Variants in GRIP2 observed in about 807,000 individuals in gnomAD.
GRIP2 encodes the protein glutamate receptor interacting protein 2, also known as glutamate receptor-interacting protein 2.
In GRIP2, 58 loss-of-function variants were observed where a neutral mutation model predicts 108.3. The ratio of observed to expected loss-of-function variants is 0.54; its 90% CI spans 0.43 to 0.67. The LOEUF is 0.67. GRIP2 is among the 30% of genes least tolerant of loss of function. The pLI is 0.00. For missense variants in GRIP2, 1,278 were observed against 1,430.6 expected (o/e 0.89, Z 1.72); for synonymous variants, 586 against 598.2 (o/e 0.98, Z 0.30).
the GRIP2 span, among the ~76,000 whole-genome samples, chr3:14,575,784 C>T: frequency 6.6e-6 from 1 of 152,232 alleles, no homozygotes; most frequent in Non-Finnish European, 1.5e-5. Context: ...TGCTGAGGCC[C>T]GCCCTGTCTC....
intron 1 of GRIP2, among the ~76,000 whole-genome samples, chr3:14,553,679 G>T (rs1471986908): frequency 6.6e-6 from 1 of 152,182 alleles, no homozygotes; most frequent in Non-Finnish European, 1.5e-5. Flanking sequence ...CAACAGGACA[G>T]CCCATTAAAA....
intron 1 of GRIP2, among the ~76,000 whole-genome samples, chr3:14,529,906 T>G (rs1694664559): frequency 6.6e-6 from 1 of 152,228 alleles, no homozygotes; most frequent in Non-Finnish European, 1.5e-5. Context: ...TTTCCATTCC[T>G]TCCCCTGGGT....
At chr3:14,523,751 G>A (rs1027557910) in intron 4 of GRIP2, 53 bp from the exon 5 acceptor site, 9 of 1,229,838 alleles carry the variant, frequency 7.3e-6, no homozygotes, top group African/African-American at 3.0e-5. Flanking sequence ...CTCCAGGCCG[G>A]TAGATGTGCC....
chr3:14,553,566 T>C (rs1478862996), intron 1 of GRIP2, among the ~76,000 whole-genome samples: 4 of 152,120 alleles, frequency 2.6e-5, no homozygotes, highest in Non-Finnish European at 5.9e-5. Flanking sequence ...GAGTCTCAGT[T>C]TGGAGGACAT....
the GRIP2 span, among the ~76,000 whole-genome samples, chr3:14,564,523 T>A: frequency 6.6e-6 from 1 of 152,200 alleles, no homozygotes; most frequent in Admixed American, 6.5e-5. Flanking sequence ...TGCTTAGCCA[T>A]CCCTAAAGTC....
At position 14,505,696 on chromosome 3, in the gene GRIP2, C is replaced by T. The variant is rs372323676; in HGVS notation, c.2492G>A (p.Arg831Gln). 9.6e-5 allele frequency: 153 copies of T among 1,598,774 alleles called. No individual in the cohort carries two copies. The highest frequency in any genetic ancestry group is 2.0e-4 in the East Asian group (9 of 44,104). The change falls in exon 20 of 24, where the codon CGG (arginine) becomes CAG (glutamine). Residue 831 changes from arginine (R) to glutamine (Q), a missense_variant. Physicochemically the swap from Arg to Gln is conservative, Grantham distance 43. Coordinates refer to ENST00000621039, the MANE Select transcript of GRIP2 (RefSeq NM_001080423.4). The surrounding 1 kb of genome is among the most constrained non-coding windows in gnomAD (Gnocchi z 4.2). ...LRGSPPPTEP[R>Q]RTSYTPTPAD... The stretch of plus-strand genomic sequence containing the variant: ...TGGGGTTGGGGTATAGCTCGTCCTC[C>T]GGGGCTCGGTGGGTGGGGGGCTGCC...
chr3:14,494,919 CCTTTTTCCAGGAGGCCAT>C lies in GRIP2; in HGVS notation c.2876_2893del (p.Asp959_Lys964del). ...AGGGCGCACAGTGTGGACATAGACA[CCTTTTTCCAGGAGGCCAT>C]CTGAGACGCTGAAACCAAAGTCATG... On this transcript the variant is annotated inframe_deletion, in exon 23 of 24. Coordinates refer to ENST00000621039, the MANE Select transcript of GRIP2 (RefSeq NM_001080423.4). 6.2e-7 allele frequency: 1 copy of C among 1,613,960 alleles called. No individual in the cohort carries two copies. Among genetic ancestry groups the C allele is most frequent in the Non-Finnish European group, 8.5e-7 (1 of 1,179,856 alleles).
At chr3:14,553,310 T>C (rs1398604806) in intron 1 of GRIP2, among the ~76,000 whole-genome samples, 1 of 151,380 alleles carries the variant, frequency 6.6e-6, no homozygotes, top group Non-Finnish European at 1.5e-5. Flanking sequence ...GGTTTCACTA[T>C]ATGTTGGCCA....
chr3:14,572,611 CAAA>C, the GRIP2 span, among the ~76,000 whole-genome samples: 11 of 46,958 alleles, frequency 2.3e-4, no homozygotes, highest in Admixed American at 2.6e-3. Flanking sequence ...GACTCCGTCT[CAAA>C]AAAAAAAAAA....
intron 1 of GRIP2, among the ~76,000 whole-genome samples, chr3:14,535,130 C>G (rs1694804809): frequency 6.6e-6 from 1 of 152,068 alleles, no homozygotes; most frequent in Non-Finnish European, 1.5e-5. Context: ...TCACCGGGAC[C>G]CTGGGTGCTG....
chr3:14,562,640 C>T, the GRIP2 span, among the ~76,000 whole-genome samples: 3 of 152,232 alleles, frequency 2.0e-5, no homozygotes, highest in Admixed American at 6.5e-5. Flanking sequence ...GAAGAAATGA[C>T]GGAATTGGAA....
the GRIP2 span, among the ~76,000 whole-genome samples, chr3:14,572,318 C>T: frequency 2.6e-5 from 4 of 151,714 alleles, no homozygotes; most frequent in South Asian, 8.3e-4. Flanking sequence ...AGGTGGTCGT[C>T]AAGACACAAG....
intron 23 of GRIP2, among the ~76,000 whole-genome samples, chr3:14,494,100 A>G (rs1693501967): frequency 6.6e-6 from 1 of 152,250 alleles, no homozygotes; most frequent in South Asian, 2.1e-4. Context: ...ATGAAAGAGC[A>G]GACCACACAC....
intron 3 of GRIP2, 72 bp from the exon 4 acceptor site, chr3:14,524,610 C>T (rs1694504442): frequency 9.5e-6 from 14 of 1,471,672 alleles, no homozygotes. Context: ...CACACCCACC[C>T]TCCTCTGGAA....
Position 14,520,231 on chromosome 3 carries a change from G to C in GRIP2, c.909C>G (p.Thr303=). The stretch of plus-strand genomic sequence containing the variant: ...CAAGCAGCGAGCAGTGTTCCATGCT[G>C]GTGCCATCGATGGACAGGATGTGGT... ...PGDHILSIDG[T]SMEHCSLLEA... is the part of the protein sequence containing the mutation. The change falls in exon 9 of 24, where the codon ACC becomes ACG. Residue 303 remains threonine, a synonymous_variant. Transcript: ENST00000621039. 6.2e-7 allele frequency: 1 copy of C among 1,613,884 alleles called. No homozygotes were observed. Among genetic ancestry groups the C allele is most frequent in the South Asian group, 1.1e-5 (1 of 91,036 alleles).
At chr3:14,494,435 G>C (rs1431267890) in intron 23 of GRIP2, among the ~76,000 whole-genome samples, 1 of 152,240 alleles carries the variant, frequency 6.6e-6, no homozygotes, top group African/African-American at 2.4e-5. Flanking sequence ...AGTTAGGAAG[G>C]TCACATGAGG....
At chr3:14,558,043 G>A (rs149021258), upstream of GRIP2, among the ~76,000 whole-genome samples, 1 of 152,344 alleles carries the variant, frequency 6.6e-6, no homozygotes, top group Non-Finnish European at 1.5e-5. Context: ...GTGTGTGAAT[G>A]GGGATGGGAG....
At chr3:14,585,873 G>A in the GRIP2 span, among the ~76,000 whole-genome samples, 1 of 152,066 alleles carries the variant, frequency 6.6e-6, no homozygotes, top group East Asian at 1.9e-4. Context: ...GGGACAGCAG[G>A]TGCAAGGTCT....
Position 14,524,463 on chromosome 3 carries a change from C to A in GRIP2, c.333G>T (p.Glu111Asp). 4 of 1,593,070 alleles carry A rather than the reference C, an allele frequency of 2.5e-6. No individual in the cohort carries two copies. The highest frequency in any genetic ancestry group is 1.1e-5 in the South Asian group (1 of 87,270). Residue 111 changes from glutamate (E) to aspartate (D), a missense_variant, in exon 4 of 24, where the codon GAG becomes GAT. Glu to Asp is a conservative substitution (Grantham distance 45). Coordinates refer to ENST00000621039, the MANE Select transcript of GRIP2 (RefSeq NM_001080423.4). ...CCACATTCTTGAGCAGGGTGATGATCTCATCGTGGCGGAGCCTGGTCAGGT... is the reference window on the plus strand; with the variant it reads ...CCACATTCTTGAGCAGGGTGATGATATCATCGTGGCGGAGCCTGGTCAGGT... ...GIHLTRLRHD[E>D]IITLLKNVGE...
Sources: gnomAD v4.1 joint callset for allele counts (sites outside exome capture counted in the v4.1 genomes callset) on GRCh38, gnomAD v4.1.1 for gene constraint, Gnocchi (gnomAD v3.1) non-coding constraint, MANE v1.5 for transcripts, NCBI Gene and HGNC (gene_info 2026-07-23, HGNC 2026-07-21) for gene names.